SSH2: variants seen among roughly 807,000 people sequenced by gnomAD.
The protein encoded by SSH2 is slingshot protein phosphatase 2, also known as protein phosphatase Slingshot homolog 2.
A neutral mutation model predicts 135.2 loss-of-function variants in SSH2; 37 were observed. That is an observed-to-expected ratio of 0.27 (90% CI 0.21 to 0.36). The LOEUF is 0.36. Ranked by LOEUF, SSH2 falls within the 10% of genes least tolerant of loss-of-function variation. The pLI is 1.00. For missense variants in SSH2, 1,408 were observed against 1,765.3 expected, an observed-to-expected ratio of 0.80 and a Z score of 3.63; for synonymous variants, 628 against 646.2, an observed-to-expected ratio of 0.97 and a Z score of 0.43.
At chr17:29,871,563 A>C (rs1181086046) in intron 1 of SSH2, among the ~76,000 whole-genome samples, 1 of 152,230 alleles carries the variant, frequency 6.6e-6, no homozygotes, top group Admixed American at 6.5e-5. Context: ...TGTTCTATTT[A>C]TATTAGTGCT....
At chr17:29,881,613 T>C (rs1411442297) in intron 1 of SSH2, among the ~76,000 whole-genome samples, 1 of 152,134 alleles carries the variant, frequency 6.6e-6, no homozygotes, top group Non-Finnish European at 1.5e-5. Flanking sequence ...GCAATTCTCC[T>C]GCCTGAGCCT....
At chr17:29,812,940 C>T (rs1358088980) in intron 2 of SSH2, among the ~76,000 whole-genome samples, 4 of 151,010 alleles carry the variant, frequency 2.6e-5, no homozygotes, top group African/African-American at 9.8e-5. Context: ...ATATTCAAAA[C>T]CAAAAGTGTA....
chr17:29,737,919 T>TATTTA (rs2040422320), intron 3 of SSH2, among the ~76,000 whole-genome samples: 1 of 98,996 alleles, frequency 1.0e-5, no homozygotes, highest in African/African-American at 3.8e-5. Flanking sequence ...TGAGAAAGTC[T>TATTTA]CTTATTTATT....
At chr17:29,756,686 AC>A (rs1344837526) in intron 3 of SSH2, among the ~76,000 whole-genome samples, 1 of 150,922 alleles carries the variant, frequency 6.6e-6, no homozygotes, top group African/African-American at 2.4e-5. Flanking sequence ...ATACAGTCTC[AC>A]CCTGTCGCCC....
chr17:29,712,633 A>G (rs2039477107), intron 3 of SSH2, among the ~76,000 whole-genome samples: 1 of 152,094 alleles, frequency 6.6e-6, no homozygotes. Context: ...GTGAAACCCC[A>G]TCTCTACTAA....
chr17:29,634,968 C>T (rs1341939315), intron 15 of SSH2, among the ~76,000 whole-genome samples: 2 of 151,816 alleles, frequency 1.3e-5, no homozygotes, highest in East Asian at 3.9e-4. Flanking sequence ...AGTGGCACGA[C>T]CTCGGCTCAC....
intron 2 of SSH2, among the ~76,000 whole-genome samples, chr17:29,824,878 C>T (rs543659744): frequency 5.6e-4 from 85 of 152,290 alleles, no homozygotes; most frequent in Non-Finnish European, 1.2e-3. Flanking sequence ...CCAGCTAGAA[C>T]TACTGAAGAA....
chr17:29,758,281 G>A (rs1462891784), intron 3 of SSH2, among the ~76,000 whole-genome samples: 3 of 152,110 alleles, frequency 2.0e-5, no homozygotes, highest in South Asian at 2.1e-4. Flanking sequence ...TTTTTATAGC[G>A]GTTAAGGGCA....
intron 2 of SSH2, among the ~76,000 whole-genome samples, chr17:29,833,022 C>T (rs1455247530): frequency 1.3e-5 from 2 of 152,140 alleles, no homozygotes; most frequent in East Asian, 3.9e-4. Flanking sequence ...ATGGTCTGTT[C>T]TTGAGAATGC....
chr17:29,650,558 T>C (rs1323336270), intron 13 of SSH2, 96 bp downstream of exon 13: 4 of 1,186,908 alleles, frequency 3.4e-6, no homozygotes, highest in Non-Finnish European at 4.6e-6. Context: ...TTTTCCTGAG[T>C]ACCATCAGTA....
chr17:29,765,880 C>T (rs747104063), intron 3 of SSH2, among the ~76,000 whole-genome samples: 3 of 151,836 alleles, frequency 2.0e-5, no homozygotes, highest in African/African-American at 4.8e-5. Context: ...ATTAGCCAGG[C>T]GTGCTGGTGG....
intron 2 of SSH2, among the ~76,000 whole-genome samples, chr17:29,794,440 G>A (rs1293814201): frequency 6.6e-6 from 1 of 152,170 alleles, no homozygotes; most frequent in Non-Finnish European, 1.5e-5. Context: ...TAGGCACTGT[G>A]TTCCTCAATT....
At chr17:29,711,692 T>C (rs1013232297) in intron 3 of SSH2, among the ~76,000 whole-genome samples, 1 of 152,182 alleles carries the variant, frequency 6.6e-6, no homozygotes, top group Non-Finnish European at 1.5e-5. Flanking sequence ...AGGGGTTTTG[T>C]AGGAAGCTGG....
chr17:29,926,604 A>G (rs1196990235), intron 1 of SSH2, among the ~76,000 whole-genome samples: 1 of 151,992 alleles, frequency 6.6e-6, no homozygotes, highest in African/African-American at 2.4e-5. Flanking sequence ...TTTCTACTCA[A>G]AACCTCAGCA....
intron 6 of SSH2, 24 bp from the exon 7 acceptor site, chr17:29,677,765 T>A (rs374206817): frequency 1.9e-6 from 3 of 1,592,220 alleles, no homozygotes; most frequent in Non-Finnish European, 2.6e-6. Flanking sequence ...AGTAGTCCAA[T>A]AGTTACTCCC....
intron 3 of SSH2, among the ~76,000 whole-genome samples, chr17:29,705,700 T>G (rs1161625988): frequency 6.6e-6 from 1 of 152,190 alleles, no homozygotes; most frequent in Admixed American, 6.5e-5. Context: ...TCATCTCCCC[T>G]TTTGTTTACC....
chr17:29,849,945 G>A (rs1053197683), intron 1 of SSH2, among the ~76,000 whole-genome samples: 1 of 143,400 alleles, frequency 7.0e-6, no homozygotes, highest in Non-Finnish European at 1.5e-5. Context: ...CAGGAGAATC[G>A]CATGAACCCA....
intron 2 of SSH2, among the ~76,000 whole-genome samples, chr17:29,806,358 G>A (rs977709849): frequency 2.0e-5 from 3 of 152,180 alleles, no homozygotes; most frequent in African/African-American, 7.2e-5. Context: ...GCCAAGTCAG[G>A]ATTCTGTCTG....
chr17:29,673,519 G>C (rs938863788), intron 8 of SSH2, among the ~76,000 whole-genome samples: 3 of 151,556 alleles, frequency 2.0e-5, no homozygotes, highest in African/African-American at 7.3e-5. Context: ...GTAGTTAGCT[G>C]AGATGGTGCC....
Sources: allele counts gnomAD v4.1 joint callset (sites outside exome capture counted in the v4.1 genomes callset), GRCh38; gene constraint gnomAD v4.1.1; transcripts MANE v1.5; gene names NCBI Gene and HGNC (gene_info 2026-07-23, HGNC 2026-07-21).